Variants in CD209 observed in about 807,000 individuals in gnomAD.
The protein encoded by CD209 is CD209 antigen.
Under a neutral mutation model 44.7 loss-of-function variants are expected in CD209, and 31 were observed. That is an observed-to-expected ratio of 0.69 (90% confidence interval 0.52 to 0.94). The LOEUF (loss-of-function observed/expected upper bound fraction) is 0.94. Among genes scored for constraint, CD209 ranks in the 40% least tolerant of loss-of-function variants. The pLI is 0.00. For synonymous variants in CD209, 173 were observed against 181.3 expected (o/e 0.95, Z 0.37); for missense variants, 407 against 452.4 (o/e 0.90, Z 0.91).
intron 2 of CD209, 23 bp downstream of exon 2, chr19:7,747,283 C>T: frequency 1.9e-6 from 3 of 1,613,984 alleles, no homozygotes; most frequent in African/African-American, 1.3e-5. Context: ...GTCTCTCCTC[C>T]CAAACTGCTA....
At position 7,741,931 on chromosome 19, in the gene CD209, G is replaced by A; in HGVS notation, c.*1108C>T. ...GAAATGGGGAATCCGAAAGGAAAAGGAAGAAATCTCACTAGCACATGTCAA... is the reference window on the plus strand; with the variant it reads ...GAAATGGGGAATCCGAAAGGAAAAGAAAGAAATCTCACTAGCACATGTCAA... On this transcript the variant is annotated 3_prime_UTR_variant, in exon 7 of 7. Transcript: ENST00000315599. The A allele has an allele frequency of 2.4e-6, 1 of 417,764 alleles. No individual in the cohort carries two copies. 25.9% of individuals were successfully genotyped at this position (417,764 alleles called of 1,614,324 possible).
chr19:7,745,493 A>C (rs1321020690), intron 4 of CD209, 25 bp downstream of exon 4: 1 of 1,612,222 alleles, frequency 6.2e-7, no homozygotes, highest in Non-Finnish European at 8.5e-7. Flanking sequence ...CTCAGGCCCA[A>C]GAAGCCCTGG....
chr19:7,746,842 G>A (rs891366842), intron 2 of CD209, among the ~76,000 whole-genome samples: 9 of 145,840 alleles, frequency 6.2e-5, no homozygotes, highest in African/African-American at 1.8e-4. Context: ...ACCTCCCCAG[G>A]ACCCAGGGAC....
rs1467037380 is a variant in CD209 at position 7,744,954 on chromosome 19, CT to C, written c.886del (p.Ser296ValfsTer26). 1 of 1,614,220 alleles carries C rather than the reference CT, an allele frequency of 6.2e-7. No homozygotes were observed. ...CACCAGGTGTACCTGCTCCTCAGCA[CT>C]TTTGATTACGACGAGCTGGGCCCCC... ...EVGAQLVVIK[S>X]AEEQNFLQLQ... On this transcript the variant is annotated frameshift_variant, in exon 5 of 7. Transcript: ENST00000315599. LOFTEE classifies it high-confidence loss of function.
In CD209 at chr19:7,743,253, T is replaced by G. The variant is rs1431085076; in HGVS notation, c.1014-13A>C. On this transcript the variant is annotated splice_polypyrimidine_tract_variant and intron_variant, in intron 6 of 6. Transcript: ENST00000315599. ...ATACTGCTTGAAGCTGCAAAGCCCATGCGGAATGTGAGCCTCTGTCCCCGC... is the reference window on the plus strand; with the variant it reads ...ATACTGCTTGAAGCTGCAAAGCCCAGGCGGAATGTGAGCCTCTGTCCCCGC... 1 of 1,611,194 alleles carries G rather than the reference T, an allele frequency of 6.2e-7. No individual in the cohort carries two copies. The highest frequency in any genetic ancestry group is 2.2e-5 in the East Asian group (1 of 44,852).
In CD209 at chr19:7,740,296, C is replaced by T. The variant is rs2033570316; in HGVS notation, c.*2743G>A. On this transcript the variant is annotated 3_prime_UTR_variant, in exon 7 of 7. Transcript: ENST00000315599. ...TGCACGCTTCGTTCATCTGGACATG[C>T]CCAGGGTATGTAACTTGCAACCTGG... 2.1e-6 allele frequency: 1 copy of T among 474,602 alleles called. No individual in the cohort carries two copies. The highest frequency in any genetic ancestry group is 2.2e-5 in the South Asian group (1 of 45,356). 29.4% of individuals were successfully genotyped at this position (474,602 alleles called of 1,614,324 possible). A position where few individuals can be genotyped will look rare whatever the true frequency, so the allele number is the denominator to read the frequency against.
intron 2 of CD209, among the ~76,000 whole-genome samples, 164 bp downstream of exon 2, chr19:7,747,142 C>G (rs1450966523): frequency 1.3e-5 from 2 of 152,038 alleles, no homozygotes; most frequent in African/African-American, 4.8e-5. Flanking sequence ...TCCCAGGAAC[C>G]AGGAATTCAG....
Position 7,742,100 on chromosome 19 carries a change from T to C in CD209, c.*939A>G. The C allele has an allele frequency of 3.4e-6, 1 of 292,196 alleles. No individual in the cohort carries two copies. Among genetic ancestry groups the C allele is most frequent in the Non-Finnish European group, 7.1e-6 (1 of 141,304 alleles). 18.1% of individuals were successfully genotyped at this position (292,196 alleles called of 1,614,324 possible). A position where few individuals can be genotyped will look rare whatever the true frequency, so the allele number is the denominator to read the frequency against. On this transcript the variant is annotated 3_prime_UTR_variant, in exon 7 of 7. Coordinates refer to ENST00000315599, the MANE Select transcript of CD209 (RefSeq NM_021155.4). The stretch of plus-strand genomic sequence containing the variant: ...ATCCCAAAGTCGTGGTAGGAGGAGA[T>C]CAGGTAGTAGAGACAGAACTGTTCA...
chr19:7,740,468 C>T lies in CD209; in HGVS notation c.*2571G>A, dbSNP rs1006246175. ...GCGGTGCCGGCAAGATGGCTGCGCC[C>T]GAAAAGGTGACATTTCCAGAGAAAC... is the stretch of plus-strand genomic sequence containing the variant. On this transcript the variant is annotated 3_prime_UTR_variant, in exon 7 of 7. Coordinates refer to ENST00000315599, the MANE Select transcript of CD209 (RefSeq NM_021155.4). The T allele has an allele frequency of 4.8e-6, 4 of 840,870 alleles. No homozygotes were observed. Among genetic ancestry groups the T allele is most frequent in the African/African-American group, 3.4e-5 (2 of 59,462 alleles). 52.1% of individuals were successfully genotyped at this position (840,870 alleles called of 1,614,324 possible). A position where few individuals can be genotyped will look rare whatever the true frequency, so the allele number is the denominator to read the frequency against.
At chr19:7,744,857 C>G in intron 5 of CD209, 84 bp downstream of exon 5, 1 of 1,556,208 alleles carries the variant, frequency 6.4e-7, no homozygotes, top group Non-Finnish European at 8.7e-7. Context: ...AACCCCTCTT[C>G]TGCAAAGTCA....
At position 7,742,735 on chromosome 19, in the gene CD209, C is replaced by T; in HGVS notation, c.*304G>A. On this transcript the variant is annotated 3_prime_UTR_variant, in exon 7 of 7. Transcript: ENST00000315599. ...AGGTTTGCATGTATAAGATAACGCC[C>T]CAGGGGACATAGCAGCTACACATGG... 9.3e-6 allele frequency: 4 copies of T among 432,056 alleles called. No individual in the cohort carries two copies. Among genetic ancestry groups the T allele is most frequent in the South Asian group, 2.9e-5 (1 of 34,194 alleles). 26.8% of individuals were successfully genotyped at this position (432,056 alleles called of 1,614,324 possible). A position where few individuals can be genotyped will look rare whatever the true frequency, so the allele number is the denominator to read the frequency against.
Position 7,742,856 on chromosome 19 carries a change from G to T in CD209, c.*183C>A. 1 of 608,460 alleles carries T rather than the reference G, an allele frequency of 1.6e-6. No homozygotes were observed. Among genetic ancestry groups the T allele is most frequent in the Non-Finnish European group, 2.9e-6 (1 of 344,246 alleles). The allele number at this position is 608,460 out of a possible 1,614,324, so 37.7% of individuals were successfully genotyped here. On this transcript the variant is annotated 3_prime_UTR_variant, in exon 7 of 7. Transcript: ENST00000315599. ...CATCCCACACCAGCTCACTCATAAAGCTCCAAGGATGGGCCAGAAAAACAA... is the reference window on the plus strand; with the variant it reads ...CATCCCACACCAGCTCACTCATAAATCTCCAAGGATGGGCCAGAAAAACAA...
At position 7,746,424 on chromosome 19, in the gene CD209, C is replaced by T. The variant is rs774723187; in HGVS notation, c.178+36G>A. On this transcript the variant is annotated intron_variant, in intron 3 of 6. Transcript: ENST00000315599. ...GCTGTGTCCACAGCCAAAAGCCAGG[C>T]GTGGGGACCCCAGACCCTCAGAACC... 1.8e-5 allele frequency: 29 copies of T among 1,607,292 alleles called. No homozygotes were observed. In the Middle Eastern group the frequency reaches 4.9e-4, roughly 27 times the overall value.
chr19:7,747,208 C>T (rs1184442857), intron 2 of CD209, 98 bp downstream of exon 2: 9 of 1,282,514 alleles, frequency 7.0e-6, no homozygotes, highest in Non-Finnish European at 1.0e-5. Flanking sequence ...CCCCACATCC[C>T]CAGGACCCAA....
Position 7,742,023 on chromosome 19 carries a change from G to C in CD209, c.*1016C>G. ...AGTGACCGCAGCGGGGGCCGGTGCA[G>C]CCGCAGTGAGAACGGCCGGAGCCGT... On this transcript the variant is annotated 3_prime_UTR_variant, in exon 7 of 7. Transcript: ENST00000315599. 3.3e-6 allele frequency: 1 copy of C among 306,148 alleles called. No individual in the cohort carries two copies. Among genetic ancestry groups the C allele is most frequent in the Admixed American group, 4.6e-5 (1 of 21,932 alleles). 19.0% of individuals were successfully genotyped at this position (306,148 alleles called of 1,614,324 possible).
At position 7,745,867 on chromosome 19, in the gene CD209, T is replaced by C; in HGVS notation, c.399A>G (p.Ala133=). 2 of 1,613,214 alleles carry C rather than the reference T, an allele frequency of 1.2e-6. No homozygotes were observed. Among genetic ancestry groups the C allele is most frequent in the Non-Finnish European group, 1.7e-6 (2 of 1,179,928 alleles). The change falls in exon 4 of 7, where the codon GCA becomes GCG. Residue 133 remains alanine, a synonymous_variant. Coordinates refer to ENST00000315599, the MANE Select transcript of CD209 (RefSeq NM_021155.4). ...IYQELTRLKA[A]VGELPEKSKL... ...TAGATTTCTCTGGAAGCTCACCCAC[T>C]GCAGCCTTCAGCCGGGTCAGCTCCT... is the stretch of plus-strand genomic sequence containing the variant.
At chr19:7,743,958 G>A (rs1389165619) in intron 6 of CD209, 149 bp downstream of exon 6, 3 of 647,860 alleles carry the variant, frequency 4.6e-6, no homozygotes, top group Non-Finnish European at 8.1e-6. Flanking sequence ...TCTGGAAGTG[G>A]GTATGAAGAC....
chr19:7,743,350 G>A, intron 6 of CD209, 110 bp from the exon 7 acceptor site: 1 of 938,084 alleles, frequency 1.1e-6, no homozygotes, highest in Non-Finnish European at 1.7e-6. Context: ...GTGTATGCTG[G>A]ACTTGAATCC....
In CD209 at chr19:7,745,083, C is replaced by A; in HGVS notation, c.758G>T (p.Cys253Phe). ...TGTCCATTCCCAGGGACAGGGGTGG[C>A]ACAGGCGTTCTGTTGGGGGAGGCTG... ...TQLKAAVERL[C>F]HPCPWEWTFF... Residue 253 changes from cysteine (C) to phenylalanine (F), a missense_variant, in exon 5 of 7, where the codon TGC becomes TTC. Physicochemically the swap from Cys to Phe is radical, Grantham distance 205. Around this residue, in one of 3 missense-constraint regions of CD209, gnomAD observed 200 missense variants for 202.2 expected, o/e 0.99. Coordinates refer to ENST00000315599, the MANE Select transcript of CD209 (RefSeq NM_021155.4). 6.2e-7 allele frequency: 1 copy of A among 1,614,188 alleles called. No homozygotes were observed. Among genetic ancestry groups the A allele is most frequent in the South Asian group, 1.1e-5 (1 of 91,084 alleles).
Sources: allele counts gnomAD v4.1 joint callset (sites outside exome capture counted in the v4.1 genomes callset), GRCh38; gene constraint gnomAD v4.1.1; regional missense constraint gnomAD v4.1.1; transcripts MANE v1.5; gene names NCBI Gene and HGNC (gene_info 2026-07-23, HGNC 2026-07-21).